HMCN2: variants seen among roughly 807,000 people sequenced by gnomAD.
The protein encoded by HMCN2 is hemicentin 2.
In HMCN2, 325 loss-of-function variants were observed where a neutral mutation model predicts 377.5. The observed-to-expected ratio is 0.86, with a 90% confidence interval of 0.79 to 0.94. HMCN2 has a LOEUF of 0.94. Ranked by LOEUF, HMCN2 falls within the 40% of genes least tolerant of loss-of-function variation. HMCN2 has a pLI of 0.00. For missense variants in HMCN2, 4,543 were observed against 4,725.3 expected (o/e 0.96, Z 1.13); for synonymous variants, 2,007 against 2,046.8 (o/e 0.98, Z 0.53).
chr9:130,388,630 GT>G (rs1842139161), intron 62 of HMCN2, 90 bp downstream of exon 62: 1 of 925,156 alleles, frequency 1.1e-6, no homozygotes, highest in Non-Finnish European at 1.3e-6. Flanking sequence ...GTTATTGGTT[GT>G]TGATGATCTT....
Position 130,422,683 on chromosome 9 carries a change from C to G in HMCN2, c.13338C>G (p.Val4446=). 7.7e-7 allele frequency: 1 copy of G among 1,299,992 alleles called. No individual in the cohort carries two copies. The highest frequency in any genetic ancestry group is 9.8e-7 in the Non-Finnish European group (1 of 1,015,888). 80.5% of individuals were successfully genotyped at this position (1,299,992 alleles called of 1,614,324 possible). A position where few individuals can be genotyped will look rare whatever the true frequency, so the allele number is the denominator to read the frequency against. ...TSVMQEAHSG[V]SSIHSSIRHV... is the part of the protein sequence containing the mutation. The stretch of plus-strand genomic sequence containing the variant: ...TGATGCAGGAGGCACACTCCGGGGT[C>G]AGCAGCATCCACAGCAGCATCCGCC... The change falls in exon 87 of 98, where the codon GTC becomes GTG. Residue 4446 remains valine, a synonymous_variant. Transcript: ENST00000683500. This position sits in a 1 kb window ranked among gnomAD's most constrained non-coding sequence, Gnocchi z 4.2.
At position 130,382,696 on chromosome 9, in the gene HMCN2, G is replaced by A; in HGVS notation, c.8563G>A (p.Gly2855Ser). Residue 2855 changes from glycine (G) to serine (S), a missense_variant, in exon 56 of 98, where the codon GGT becomes AGT. Gly to Ser is a moderately conservative substitution (Grantham distance 56). This residue lies in a region of HMCN2 where 736 missense variants were observed against 773.2 expected (regional missense o/e 0.95). Coordinates refer to ENST00000683500, the MANE Select transcript of HMCN2 (RefSeq NM_001291815.2). Reference protein sequence around the residue: ...LLVLTPPVILGDTEELVEEVT... With the variant: ...LLVLTPPVILSDTEELVEEVT... ...ACCCCCAGCCCCACCTGTGATCCTG[G>A]GTGACACAGAGGAGCTGGTGGAAGA... is the stretch of plus-strand genomic sequence containing the variant. The A allele has an allele frequency of 1.0e-6, 1 of 985,638 alleles. No individual in the cohort carries two copies. The highest frequency in any genetic ancestry group is 1.2e-6 in the Non-Finnish European group (1 of 829,884). 61.1% of individuals were successfully genotyped at this position (985,638 alleles called of 1,614,324 possible).
At chr9:130,400,689 A>G (rs1842821163) in intron 76 of HMCN2, 94 bp from the exon 77 acceptor site, 1 of 951,124 alleles carries the variant, frequency 1.1e-6, no homozygotes, top group Admixed American at 4.3e-5. Context: ...TTTGTCACTG[A>G]TGTCACCTTG....
intron 34 of HMCN2, 88 bp from the exon 35 acceptor site, chr9:130,357,746 C>T (rs1013943637): frequency 1.9e-6 from 2 of 1,036,860 alleles, no homozygotes; most frequent in South Asian, 1.6e-5. Context: ...GGCACCTTCT[C>T]ACCCCCAGGC....
At chr9:130,352,058 T>C (rs1191194055) in intron 30 of HMCN2, among the ~76,000 whole-genome samples, 1 of 152,198 alleles carries the variant, frequency 6.6e-6, no homozygotes, top group Non-Finnish European at 1.5e-5. Context: ...GTGATCCTCC[T>C]GCCTTGGCCT....
chr9:130,320,634 G>C (rs1837797480), intron 17 of HMCN2, 142 bp from the exon 18 acceptor site: 1 of 152,310 alleles, frequency 6.6e-6, no homozygotes, highest in Non-Finnish European at 1.5e-5. Flanking sequence ...ACAATGTCCT[G>C]GGGGTCCTGT....
At chr9:130,278,149 C>T (rs10435905) in intron 1 of HMCN2, among the ~76,000 whole-genome samples, 1 of 137,376 alleles carries the variant, frequency 7.3e-6, no homozygotes, top group Non-Finnish European at 1.6e-5. Context: ...TTTTGAGACG[C>T]AGTCTCGCTC....
rs1031037559 is a variant in HMCN2, at chr9:130,379,483, G to A, written c.8431+16G>A. 3.1e-6 allele frequency: 3 copies of A among 981,328 alleles called. No individual in the cohort carries two copies. Among genetic ancestry groups the A allele is most frequent in the Non-Finnish European group, 3.6e-6 (3 of 825,930 alleles). The allele number at this position is 981,328 out of a possible 1,614,324, so 60.8% of individuals were successfully genotyped here. A position where few individuals can be genotyped will look rare whatever the true frequency, so the allele number is the denominator to read the frequency against. On this transcript the variant is annotated intron_variant, in intron 54 of 97. Coordinates refer to ENST00000683500, the MANE Select transcript of HMCN2 (RefSeq NM_001291815.2). Reference sequence around the variant, plus strand: ...GTGCTGCAAGGTGGGTCAGGGGTGCGTGAAGAAAGTGGGCGCTTTGAGCTC... The same window carrying A: ...GTGCTGCAAGGTGGGTCAGGGGTGCATGAAGAAAGTGGGCGCTTTGAGCTC...
Position 130,351,800 on chromosome 9 carries a change from C to T in HMCN2, c.4585+223C>T, listed in dbSNP as rs1839731366. Among the ~76,000 whole-genome samples the T allele has an allele frequency of 1.3e-5, 2 of 151,976 alleles. No homozygotes were observed. The highest frequency in any genetic ancestry group is 2.9e-5 in the Non-Finnish European group (2 of 68,002). The stretch of plus-strand genomic sequence containing the variant: ...CAAATCCGTGGTTTCCATCCCAGCT[C>T]TAAAAATTTACTACTTATGTTTTTT... On this transcript the variant is annotated intron_variant, in intron 30 of 97. Transcript: ENST00000683500. The surrounding 1 kb of genome is among the most constrained non-coding windows in gnomAD (Gnocchi z 5.4).
intron 76 of HMCN2, chr9:130,400,146 G>T (rs1349898169): frequency 6.6e-6 from 1 of 152,454 alleles, no homozygotes; most frequent in Non-Finnish European, 1.5e-5. Context: ...CCTTCAGATC[G>T]CAGGTTAAAT....
In HMCN2 at chr9:130,379,426, A is replaced by G. The variant is rs1306576254; in HGVS notation, c.8390A>G (p.Asp2797Gly). Residue 2797 changes from aspartate (D) to glycine (G), a missense_variant, in exon 54 of 98, where the codon GAT (aspartate) becomes GGT (glycine). Coordinates refer to ENST00000683500, the MANE Select transcript of HMCN2 (RefSeq NM_001291815.2). The stretch of plus-strand genomic sequence containing the variant: ...CCGGACCTCACCTGGTACAGAGAGG[A>G]TCAGCCCCTCTCGGCCGGGGATGAG... ...PPPDLTWYREDQPLSAGDEVS... is the reference protein window; with the variant it reads ...PPPDLTWYREGQPLSAGDEVS... 1.0e-6 allele frequency: 1 copy of G among 985,862 alleles called. No homozygotes were observed. Among genetic ancestry groups the G allele is most frequent in the Non-Finnish European group, 1.2e-6 (1 of 829,952 alleles). The allele number at this position is 985,862 out of a possible 1,614,324, so 61.1% of individuals were successfully genotyped here. A position where few individuals can be genotyped will look rare whatever the true frequency, so the allele number is the denominator to read the frequency against.
At chr9:130,278,112 G>T (rs1280408137) in intron 1 of HMCN2, among the ~76,000 whole-genome samples, 2 of 151,768 alleles carry the variant, frequency 1.3e-5, no homozygotes, top group Admixed American at 6.6e-5. Context: ...TTGTTTTTTT[G>T]TTTGTTTGGT....
chr9:130,376,450 C>A (rs1254514151), intron 51 of HMCN2, 66 bp from the exon 52 acceptor site: 17 of 717,812 alleles, frequency 2.4e-5, no homozygotes, highest in Non-Finnish European at 2.6e-5. Flanking sequence ...CCCCCAGGAC[C>A]AGGGTAAGCT....
Position 130,394,001 on chromosome 9 carries a change from C to G in HMCN2, c.10494C>G (p.Thr3498=). 3.2e-6 allele frequency: 4 copies of G among 1,260,096 alleles called. No homozygotes were observed. The highest frequency in any genetic ancestry group is 1.5e-5 in the African/African-American group (1 of 65,136). 78.1% of individuals were successfully genotyped at this position (1,260,096 alleles called of 1,614,324 possible). The change falls in exon 68 of 98, where the codon ACC becomes ACG. Residue 3498 remains threonine, a synonymous_variant. Transcript: ENST00000683500. This position sits in a 1 kb window ranked among gnomAD's most constrained non-coding sequence, Gnocchi z 5.1. ...AAGCCAGGAGGCATTTCCAGCTGAC[C>G]GTCATGGGTGGGTCCTCTGGCCTCT... is the stretch of plus-strand genomic sequence containing the variant. The part of the protein sequence containing the change: ...AGEARRHFQL[T]VMEPPHIEDS...
rs1041329098 is a variant in HMCN2 at position 130,414,876 on chromosome 9, A to G, written c.12962-3896A>G. ...ATGATCCACCTGCCTCAGCCTCCCAAAGTGGTGGGATTACAGGCATGAACC... is the reference window on the plus strand; with the variant it reads ...ATGATCCACCTGCCTCAGCCTCCCAGAGTGGTGGGATTACAGGCATGAACC... On this transcript the variant is annotated intron_variant, in intron 85 of 97. Coordinates refer to ENST00000683500, the MANE Select transcript of HMCN2 (RefSeq NM_001291815.2). This position sits in a 1 kb window ranked among gnomAD's most constrained non-coding sequence, Gnocchi z 4.4. Among the ~76,000 whole-genome samples the G allele has an allele frequency of 2.0e-5, 3 of 151,964 alleles. No homozygotes were observed. Among genetic ancestry groups the G allele is most frequent in the Admixed American group, 2.0e-4 (3 of 15,260 alleles).
At chr9:130,431,245 G>C in intron 95 of HMCN2, 122 bp from the exon 96 acceptor site, 1 of 1,013,872 alleles carries the variant, frequency 9.9e-7, no homozygotes, top group South Asian at 1.6e-5. Context: ...GGGCAGGACA[G>C]GGAGAAGGAG....
At chr9:130,384,352 C>T in intron 57 of HMCN2, 21 bp from the exon 58 acceptor site, 1 of 1,282,804 alleles carries the variant, frequency 7.8e-7, no homozygotes, top group South Asian at 1.3e-5. Flanking sequence ...CCTTTCTCTA[C>T]CGTGGTGGCT....
At chr9:130,374,813 G>T (rs1841285759) in intron 49 of HMCN2, 120 bp downstream of exon 49, 12 of 348,118 alleles carry the variant, frequency 3.4e-5, no homozygotes, top group East Asian at 1.7e-4. Flanking sequence ...AATTCTCCGA[G>T]TTTGACAACA....
Position 130,304,584 on chromosome 9 carries a change from C to T in HMCN2, c.1544-146C>T. On this transcript the variant is annotated intron_variant, in intron 10 of 97. Coordinates refer to ENST00000683500, the MANE Select transcript of HMCN2 (RefSeq NM_001291815.2). The surrounding 1 kb of genome is among the most constrained non-coding windows in gnomAD (Gnocchi z 4.3). ...TGATGGTGAGCAGATGCTGGTCACCCTATGCTGCTAGCTGACATGTCCTGA... is the reference window on the plus strand; with the variant it reads ...TGATGGTGAGCAGATGCTGGTCACCTTATGCTGCTAGCTGACATGTCCTGA... 2.8e-6 allele frequency: 1 copy of T among 357,956 alleles called. No individual in the cohort carries two copies. The highest frequency in any genetic ancestry group is 5.6e-6 in the Non-Finnish European group (1 of 178,276). The allele number at this position is 357,956 out of a possible 1,614,324, so 22.2% of individuals were successfully genotyped here. A position where few individuals can be genotyped will look rare whatever the true frequency, so the allele number is the denominator to read the frequency against.
Sources: allele counts gnomAD v4.1 joint callset (sites outside exome capture counted in the v4.1 genomes callset), GRCh38; gene constraint gnomAD v4.1.1; regional missense constraint gnomAD v4.1.1; non-coding constraint Gnocchi (gnomAD v3.1); transcripts MANE v1.5; gene names NCBI Gene and HGNC (gene_info 2026-07-23, HGNC 2026-07-21).